The following USH2A variants were observed in gnomAD, a reference collection of about 807,000 sequenced individuals.
USH2A encodes Usher syndrome 2A (autosomal recessive, mild).
In USH2A, 443 loss-of-function variants were observed where a neutral mutation model predicts 538.9. The observed-to-expected ratio is 0.82, with a 90% CI of 0.76 to 0.89. The LOEUF is 0.89. USH2A is among the 40% of genes least tolerant of loss of function. The probability of loss-of-function intolerance (pLI) is 0.00; values close to 1 mark genes in which losing one functional copy is unlikely to be tolerated. For missense variants in USH2A, 6,633 were observed against 6,324.8 expected (o/e 1.05, Z -1.65); for synonymous variants, 2,413 against 2,273.5 (o/e 1.06, Z -1.75).
intron 38 of USH2A, among the ~76,000 whole-genome samples, chr1:215,905,795 CT>C (rs1439413806): frequency 6.6e-6 from 1 of 152,070 alleles, no homozygotes; most frequent in East Asian, 1.9e-4. Flanking sequence ...GAATCTGACT[CT>C]AGCCTACCCC....
At chr1:215,686,904 T>C (rs1408631849) in intron 61 of USH2A, among the ~76,000 whole-genome samples, 2 of 152,160 alleles carry the variant, frequency 1.3e-5, no homozygotes, top group African/African-American at 2.4e-5. Context: ...GATTTTTCTT[T>C]TGATTTCAAT....
intron 58 of USH2A, among the ~76,000 whole-genome samples, chr1:215,755,988 T>C (rs188168106): frequency 3.5e-4 from 53 of 152,296 alleles, no homozygotes; most frequent in Admixed American, 4.6e-4. Flanking sequence ...ATTTTGAAAA[T>C]TGGGGCTTTG....
At chr1:215,927,420 A>G (rs1666263027) in intron 38 of USH2A, among the ~76,000 whole-genome samples, 1 of 152,128 alleles carries the variant, frequency 6.6e-6, no homozygotes. Context: ...CACTCCAAGA[A>G]AACAACTTGG....
chr1:216,012,743 T>C (rs1055778289), intron 32 of USH2A, among the ~76,000 whole-genome samples: 1 of 152,152 alleles, frequency 6.6e-6, no homozygotes, highest in Non-Finnish European at 1.5e-5. Context: ...GACAATACTT[T>C]TACCACTTTC....
At chr1:216,266,761 A>G (rs2036480484) in intron 11 of USH2A, among the ~76,000 whole-genome samples, 1 of 152,070 alleles carries the variant, frequency 6.6e-6, no homozygotes, top group African/African-American at 2.4e-5. Context: ...TGTAGCAAAG[A>G]CGTCAGCATG....
chr1:215,745,076 C>T (rs1165302734), intron 58 of USH2A, among the ~76,000 whole-genome samples: 1 of 152,138 alleles, frequency 6.6e-6, no homozygotes, highest in South Asian at 2.1e-4. Flanking sequence ...CACTCCCAAA[C>T]CTGTTCTTTT....
rs375816035 is a variant in USH2A at position 216,207,251 on chromosome 1, A to G, written c.3316+22T>C. 1.6e-5 allele frequency: 26 copies of G among 1,613,496 alleles called. No individual in the cohort carries two copies. In the African/African-American group the frequency reaches 3.1e-4, roughly 19 times the overall value. On this transcript the variant is annotated intron_variant, in intron 16 of 71. Coordinates refer to ENST00000307340, the MANE Select transcript of USH2A (RefSeq NM_206933.4). ...GTCAATTCTCAGAATATTTATTTCT[A>G]TTACCAAACCCTTAAACTCACTGTA... is the stretch of plus-strand genomic sequence containing the variant.
intron 3 of USH2A, among the ~76,000 whole-genome samples, chr1:216,391,446 C>T (rs557586758): frequency 4.8e-4 from 73 of 152,260 alleles, no homozygotes; most frequent in Middle Eastern, 3.4e-3. Flanking sequence ...AGTTAACAAA[C>T]CATTATTAAT....
chr1:215,832,969 C>T lies in USH2A; in HGVS notation c.9371+5022G>A, dbSNP rs565726726. 3.3e-5 allele frequency among the ~76,000 whole-genome samples: 5 copies of T among 151,836 alleles called. No homozygotes were observed. The South Asian group carries it at 8.3e-4, about 25-fold the overall frequency. Reference sequence around the variant, plus strand: ...TTTTAAAGAAACAATAATAATAGCACCCCCCAAATAAGTAATTAGGTATAA... The same window carrying T: ...TTTTAAAGAAACAATAATAATAGCATCCCCCAAATAAGTAATTAGGTATAA... On this transcript the variant is annotated intron_variant, in intron 47 of 71. Transcript: ENST00000307340.
chr1:215,727,166 T>C (rs914232238), intron 61 of USH2A, among the ~76,000 whole-genome samples: 1 of 152,158 alleles, frequency 6.6e-6, no homozygotes, highest in Non-Finnish European at 1.5e-5. Context: ...TATGTGTGTG[T>C]GTGTATATTT....
At chr1:216,218,985 AATGT>A (rs199629104) in intron 14 of USH2A, among the ~76,000 whole-genome samples, 45 of 68,078 alleles carry the variant, frequency 6.6e-4, no homozygotes, top group African/African-American at 2.2e-3. Flanking sequence ...AGCTTCTCTC[AATGT>A]ATGTGTGTGT....
chr1:215,690,325 T>C (rs1658560725), intron 61 of USH2A, among the ~76,000 whole-genome samples: 1 of 152,196 alleles, frequency 6.6e-6, no homozygotes, highest in Non-Finnish European at 1.5e-5. Flanking sequence ...GCTTCTTGAA[T>C]GGGCATGGTG....
Position 215,728,874 on chromosome 1 carries a change from C to T in USH2A, c.11712-490G>A, listed in dbSNP as rs73084846. Among the ~76,000 whole-genome samples the T allele has an allele frequency of 2.0e-5, 3 of 151,852 alleles. No homozygotes were observed. The East Asian group carries it at 5.8e-4, about 29-fold the overall frequency. ...GTGTGTATGTGTCTGTGTGTGTGTG[C>T]ATGTATGCATGCAGTTATATCGGGG... On this transcript the variant is annotated intron_variant, in intron 60 of 71. Coordinates refer to ENST00000307340, the MANE Select transcript of USH2A (RefSeq NM_206933.4).
chr1:215,953,653 G>A (rs1571842676), intron 37 of USH2A, among the ~76,000 whole-genome samples: 1 of 151,918 alleles, frequency 6.6e-6, no homozygotes, highest in Non-Finnish European at 1.5e-5. Context: ...ATAGGCATGG[G>A]CAAGGACTTC....
rs1553271001 is a variant in USH2A, at chr1:215,867,171, C to T, written c.8682-1G>A. On this transcript the variant is annotated splice_acceptor_variant, in intron 43 of 71. Transcript: ENST00000307340. LOFTEE classifies it high-confidence loss of function. The stretch of plus-strand genomic sequence containing the variant: ...GAGCATATATTCATAGGTTGTAAAC[C>T]TAAAATGTTGTTTTGTTAAAAAAAG... The T allele has an allele frequency of 6.2e-7, 1 of 1,613,672 alleles. No individual in the cohort carries two copies. Among genetic ancestry groups the T allele is most frequent in the Non-Finnish European group, 8.5e-7 (1 of 1,179,796 alleles).
In USH2A at chr1:216,199,760, C is replaced by G. The variant is rs376090043; in HGVS notation, c.3678G>C (p.Gly1226=). The change falls in exon 17 of 72, where the codon GGG becomes GGC. Residue 1226 remains glycine, a synonymous_variant. Transcript: ENST00000307340. The part of the protein sequence containing the change: ...YDFSVQACTS[G]GCLHSLPITV... ...TAATGGGCAAGCTGTGTAAACAGCC[C>G]CCGCTAGTACACGCCTGTACAGAAA... The G allele has an allele frequency of 1.2e-6, 2 of 1,614,044 alleles. No homozygotes were observed. Among genetic ancestry groups the G allele is most frequent in the South Asian group, 1.1e-5 (1 of 91,084 alleles).
intron 20 of USH2A, among the ~76,000 whole-genome samples, chr1:216,179,410 T>C (rs2034449969): frequency 6.6e-6 from 1 of 152,142 alleles, no homozygotes; most frequent in African/African-American, 2.4e-5. Flanking sequence ...CACTTCTTGA[T>C]TCCCAGAGGA....
chr1:215,890,790 G>A (rs1445669218), intron 40 of USH2A, among the ~76,000 whole-genome samples: 3 of 152,012 alleles, frequency 2.0e-5, no homozygotes, highest in African/African-American at 4.8e-5. Flanking sequence ...AAGCAAGTAC[G>A]AGTCTTGTAA....
chr1:216,355,911 T>G (rs2102697310), intron 4 of USH2A, among the ~76,000 whole-genome samples: 1 of 152,270 alleles, frequency 6.6e-6, no homozygotes, highest in East Asian at 1.9e-4. Flanking sequence ...TTAACAATAA[T>G]ATTTATGATA....
Sources: gnomAD v4.1 joint callset for allele counts (sites outside exome capture counted in the v4.1 genomes callset) on GRCh38, gnomAD v4.1.1 for gene constraint, MANE v1.5 for transcripts, NCBI Gene and HGNC (gene_info 2026-07-23, HGNC 2026-07-21) for gene names.